Variants in ABCB5 observed in about 807,000 individuals in gnomAD.
ABCB5 encodes ATP binding cassette subfamily B member 5, also known as ATP-binding cassette sub-family B member 5.
ABCB5 carries 155 observed loss-of-function variants against 144.2 expected under a neutral mutation model. That is an observed-to-expected ratio of 1.08 (90% CI 0.94 to 1.23). The LOEUF is 1.23. Among genes scored for constraint, ABCB5 ranks in the 50% most tolerant of loss-of-function variants. The pLI, the probability that ABCB5 is intolerant of heterozygous loss-of-function variation, is 0.00. For missense variants in ABCB5, 1,830 were observed against 1,520.8 expected (o/e 1.20, Z -3.38); for synonymous variants, 610 against 528.6 (o/e 1.15, Z -2.11).
At chr7:20,751,032 A>C (rs1439313657) in intron 26 of ABCB5, among the ~76,000 whole-genome samples, 1 of 152,054 alleles carries the variant, frequency 6.6e-6, no homozygotes, top group Non-Finnish European at 1.5e-5. Flanking sequence ...CACCCTGAAA[A>C]TCCAACCCAG....
chr7:20,670,313 A>C (rs1371485253), intron 14 of ABCB5, among the ~76,000 whole-genome samples: 2 of 152,018 alleles, frequency 1.3e-5, no homozygotes, highest in Non-Finnish European at 2.9e-5. Context: ...GTTAGAACGC[A>C]GGGTACATGG....
intron 14 of ABCB5, among the ~76,000 whole-genome samples, chr7:20,661,210 A>G (rs761610895): frequency 6.6e-6 from 1 of 152,270 alleles, no homozygotes; most frequent in African/African-American, 2.4e-5. Flanking sequence ...ACAAGGCTCT[A>G]TGGAGCTGGG....
intron 14 of ABCB5, among the ~76,000 whole-genome samples, chr7:20,661,953 G>A (rs1785017553): frequency 6.6e-6 from 1 of 152,206 alleles, no homozygotes; most frequent in Admixed American, 6.5e-5. Flanking sequence ...CATAGGGTGT[G>A]AGTTTCACTC....
intron 13 of ABCB5, among the ~76,000 whole-genome samples, chr7:20,654,291 A>G (rs1322801918): frequency 2.6e-5 from 4 of 152,194 alleles, no homozygotes; most frequent in Admixed American, 2.6e-4. Flanking sequence ...CATGCAAAGA[A>G]ACAGAAAAAT....
chr7:20,640,610 A>G (rs1784274959), intron 5 of ABCB5, among the ~76,000 whole-genome samples: 1 of 152,196 alleles, frequency 6.6e-6, no homozygotes, highest in African/African-American at 2.4e-5. Flanking sequence ...TAAACCACGA[A>G]AATAACACTT....
chr7:20,691,603 T>TTTATTTATTTATTTA (rs1786233446), intron 16 of ABCB5, among the ~76,000 whole-genome samples: 1 of 151,202 alleles, frequency 6.6e-6, no homozygotes, highest in Non-Finnish European at 1.5e-5. Flanking sequence ...TATTTATTTA[T>TTTATTTATTTATTTA]TTATTTATGA....
Position 20,699,935 on chromosome 7 carries a change from CTT to C in ABCB5, c.2259+9_2259+10del. The stretch of plus-strand genomic sequence containing the variant: ...TTGTCAGTTATTTCATGCAGGTAAG[CTT>C]TTAATAAACAAGCCTGAGCATGATT... On this transcript the variant is annotated splice_region_variant and intron_variant, in intron 18 of 27. Transcript: ENST00000404938. 1.2e-6 allele frequency: 2 copies of C among 1,608,432 alleles called. No homozygotes were observed. The highest frequency in any genetic ancestry group is 8.5e-7 in the Non-Finnish European group (1 of 1,176,166).
chr7:20,647,457 C>T (rs1209380501), intron 9 of ABCB5, 78 bp from the exon 10 acceptor site: 6 of 1,456,912 alleles, frequency 4.1e-6, no homozygotes, highest in Non-Finnish European at 5.4e-6. Context: ...GAGCCTAAAC[C>T]AATAATTATA....
intron 23 of ABCB5, among the ~76,000 whole-genome samples, chr7:20,733,115 G>A (rs757261767): frequency 1.3e-5 from 2 of 151,948 alleles, no homozygotes; most frequent in Admixed American, 1.3e-4. Flanking sequence ...TTACATAATC[G>A]GTAAGTAGCA....
intron 20 of ABCB5, among the ~76,000 whole-genome samples, chr7:20,712,771 T>G (rs1453085747): frequency 6.7e-6 from 1 of 149,596 alleles, no homozygotes; most frequent in Admixed American, 6.7e-5. Flanking sequence ...TGGTAGTAGC[T>G]TTTTAAATTG....
intron 16 of ABCB5, among the ~76,000 whole-genome samples, chr7:20,697,142 T>C (rs1184254389): frequency 6.6e-6 from 1 of 152,192 alleles, no homozygotes; most frequent in Non-Finnish European, 1.5e-5. Context: ...TGATGAGCTT[T>C]AGAAAACTTC....
At chr7:20,667,058 T>C in intron 14 of ABCB5, 1 of 547,716 alleles carries the variant, frequency 1.8e-6, no homozygotes, top group Non-Finnish European at 2.5e-6. Flanking sequence ...TCTAGTACAC[T>C]TGATAGTACC....
intron 15 of ABCB5, among the ~76,000 whole-genome samples, chr7:20,684,103 G>A (rs1003371551): frequency 6.6e-6 from 1 of 152,060 alleles, no homozygotes; most frequent in African/African-American, 2.4e-5. Flanking sequence ...GAAGTACTTA[G>A]AATTATTGTT....
chr7:20,673,188 T>C (rs980092328), intron 14 of ABCB5, among the ~76,000 whole-genome samples: 1 of 152,098 alleles, frequency 6.6e-6, no homozygotes, highest in African/African-American at 2.4e-5. Context: ...ATGGCACAGA[T>C]TATGGTCCCT....
intron 13 of ABCB5, among the ~76,000 whole-genome samples, chr7:20,656,750 G>A (rs1371085411): frequency 6.6e-6 from 1 of 151,818 alleles, no homozygotes; most frequent in Non-Finnish European, 1.5e-5. Flanking sequence ...CTATTCCTAG[G>A]TATTTATTCA....
intron 20 of ABCB5, among the ~76,000 whole-genome samples, chr7:20,706,188 G>C (rs1786816871): frequency 1.3e-5 from 2 of 152,086 alleles, no homozygotes; most frequent in Non-Finnish European, 2.9e-5. Flanking sequence ...ATTAACTTCT[G>C]AGTTTAGGAA....
intron 14 of ABCB5, among the ~76,000 whole-genome samples, chr7:20,668,481 C>T (rs1379299820): frequency 6.6e-6 from 1 of 151,936 alleles, no homozygotes; most frequent in Non-Finnish European, 1.5e-5. Context: ...AAACCCTCTG[C>T]CTGGCAACCG....
chr7:20,672,452 T>C (rs1279829932), intron 14 of ABCB5, among the ~76,000 whole-genome samples: 1 of 151,860 alleles, frequency 6.6e-6, no homozygotes, highest in Non-Finnish European at 1.5e-5. Flanking sequence ...AGCTAATGAG[T>C]GTGGGGCTTA....
In ABCB5 at chr7:20,630,379, C is replaced by CAAATCTTTAAAGCAAAAAAAA. The variant is rs922635497; in HGVS notation, c.259+1564_259+1584dup. 9.3e-5 allele frequency among the ~76,000 whole-genome samples: 14 copies of CAAATCTTTAAAGCAAAAAAAA among 149,760 alleles called. No individual in the cohort carries two copies. In the South Asian group the frequency reaches 2.1e-3, roughly 23 times the overall value. On this transcript the variant is annotated intron_variant, in intron 4 of 27. Transcript: ENST00000404938. ...TTATACCTTCTTGTTTTCCAAAAAG[C>CAAATCTTTAAAGCAAAAAAAA]AAATCTTTAAAGCAAAAAAAAAAAT...
Sources: gnomAD v4.1 joint callset for allele counts (sites outside exome capture counted in the v4.1 genomes callset) on GRCh38, gnomAD v4.1.1 for gene constraint, MANE v1.5 for transcripts, NCBI Gene and HGNC (gene_info 2026-07-23, HGNC 2026-07-21) for gene names.